Variants in CSMD1 observed in about 807,000 individuals in gnomAD.
CSMD1 encodes the protein CUB and Sushi multiple domains 1.
In CSMD1, 213 loss-of-function variants were observed where a neutral mutation model predicts 417.5. The observed-to-expected ratio is 0.51, with a 90% CI of 0.46 to 0.57. CSMD1 has a LOEUF of 0.57. CSMD1 is among the 20% of genes least tolerant of loss of function. The probability of loss-of-function intolerance (pLI) is 0.00; values close to 1 mark genes in which losing one functional copy is unlikely to be tolerated. For synonymous variants in CSMD1, 2,862 were observed against 1,736.8 expected (o/e 1.65, Z -16.11); for missense variants, 6,923 against 4,529.7 (o/e 1.53, Z -15.17).
At chr8:4,035,834 G>C (rs922492758) in intron 3 of CSMD1, among the ~76,000 whole-genome samples, 1 of 152,142 alleles carries the variant, frequency 6.6e-6, no homozygotes, top group African/African-American at 2.4e-5. Flanking sequence ...TACTCTAAGT[G>C]TACAGTGTTT....
At chr8:3,899,693 G>A (rs1584933238) in intron 5 of CSMD1, among the ~76,000 whole-genome samples, 1 of 152,168 alleles carries the variant, frequency 6.6e-6, no homozygotes, top group East Asian at 1.9e-4. Context: ...GGCTAAATAT[G>A]ACAAATAACT....
intron 18 of CSMD1, among the ~76,000 whole-genome samples, chr8:3,381,387 T>C (rs1345818616): frequency 6.6e-6 from 1 of 152,220 alleles, no homozygotes; most frequent in African/African-American, 2.4e-5. Flanking sequence ...GAAAGCCATA[T>C]GTGTTTGCAT....
rs574765984 is a variant in CSMD1 at position 3,179,007 on chromosome 8, GC to G, written c.5725+2102del. Among the ~76,000 whole-genome samples, 4 of 150,800 alleles carry G rather than the reference GC, an allele frequency of 2.7e-5. No homozygotes were observed. The South Asian group carries it at 8.4e-4, about 32-fold the overall frequency. Reference sequence around the variant, plus strand: ...CTGTCACCCAGGCTGGAGTGCAGTGGCGCGATCTTGGCTCACTGCAAGCTCT... The same window carrying G: ...CTGTCACCCAGGCTGGAGTGCAGTGGGCGATCTTGGCTCACTGCAAGCTCT... On this transcript the variant is annotated intron_variant, in intron 37 of 69. Transcript: ENST00000635120.
chr8:3,102,906 T>C (rs537532325), intron 46 of CSMD1, among the ~76,000 whole-genome samples: 25 of 152,302 alleles, frequency 1.6e-4, no homozygotes, highest in African/African-American at 5.8e-4. Context: ...CCTTTTAGAA[T>C]TCAACGAGTT....
chr8:4,327,910 T>A (rs1276141853), intron 3 of CSMD1, among the ~76,000 whole-genome samples: 1 of 152,298 alleles, frequency 6.6e-6, no homozygotes, highest in Non-Finnish European at 1.5e-5. Flanking sequence ...GGTCCCTAAT[T>A]TTCCTTGCTC....
intron 50 of CSMD1, among the ~76,000 whole-genome samples, chr8:3,047,232 A>G (rs1004313285): frequency 2.0e-5 from 3 of 149,562 alleles, no homozygotes; most frequent in African/African-American, 7.3e-5. Flanking sequence ...AAAAAAAAAA[A>G]AAAAAAGAGT....
At chr8:4,720,453 T>A (rs1372300718) in intron 1 of CSMD1, among the ~76,000 whole-genome samples, 2 of 152,182 alleles carry the variant, frequency 1.3e-5, no homozygotes, top group African/African-American at 4.8e-5. Flanking sequence ...AGTCTTGCTC[T>A]GTCACTCATG....
At chr8:4,260,228 C>G (rs879642541) in intron 3 of CSMD1, among the ~76,000 whole-genome samples, 1 of 152,158 alleles carries the variant, frequency 6.6e-6, no homozygotes, top group Non-Finnish European at 1.5e-5. Context: ...AACACTACCT[C>G]TTTGCTATTT....
chr8:3,266,886 A>G (rs898950081), intron 26 of CSMD1, among the ~76,000 whole-genome samples: 1 of 152,268 alleles, frequency 6.6e-6, no homozygotes, highest in South Asian at 2.1e-4. Context: ...GTGTAGAAAC[A>G]CAAAACCAGC....
intron 8 of CSMD1, among the ~76,000 whole-genome samples, chr8:3,599,149 G>GTGTGTGTGTGTC (rs35919818): frequency 2.0e-5 from 3 of 146,408 alleles, no homozygotes; most frequent in Non-Finnish European, 3.0e-5. Context: ...GTGTGTGTGT[G>GTGTGTGTGTGTC]TCTGTGTGTG....
intron 31 of CSMD1, among the ~76,000 whole-genome samples, chr8:3,202,800 C>A (rs1797058109): frequency 6.6e-6 from 1 of 152,148 alleles, no homozygotes; most frequent in African/African-American, 2.4e-5. Flanking sequence ...ATTTATGTAA[C>A]CAACTCCATA....
intron 3 of CSMD1, among the ~76,000 whole-genome samples, chr8:4,308,035 C>T (rs746140867): frequency 6.6e-6 from 1 of 152,128 alleles, no homozygotes; most frequent in Non-Finnish European, 1.5e-5. Context: ...CAGAGCAACG[C>T]CAGACATGGA....
At chr8:3,055,857 T>A (rs913685658) in intron 49 of CSMD1, among the ~76,000 whole-genome samples, 1 of 152,208 alleles carries the variant, frequency 6.6e-6, no homozygotes, top group Non-Finnish European at 1.5e-5. Context: ...CAGTGTGGCT[T>A]CAGCTAACTT....
chr8:3,822,828 G>C (rs1034786550), intron 5 of CSMD1, among the ~76,000 whole-genome samples: 1 of 151,858 alleles, frequency 6.6e-6, no homozygotes, highest in East Asian at 1.9e-4. Flanking sequence ...TTTTTTTTTA[G>C]TAGGCACATA....
chr8:4,301,905 A>T (rs1226975208), intron 3 of CSMD1, among the ~76,000 whole-genome samples: 1 of 152,184 alleles, frequency 6.6e-6, no homozygotes, highest in African/African-American at 2.4e-5. Context: ...CAAGTTTATT[A>T]GAATTTATGT....
At chr8:4,637,935 G>C (rs1006604800) in intron 1 of CSMD1, among the ~76,000 whole-genome samples, 1 of 152,118 alleles carries the variant, frequency 6.6e-6, no homozygotes, top group African/African-American at 2.4e-5. Context: ...CTCCCAAAGT[G>C]CTGGGATTAC....
chr8:3,546,267 T>G lies in CSMD1; in HGVS notation c.1344+28678A>C, dbSNP rs564466892. 1.4e-4 allele frequency among the ~76,000 whole-genome samples: 15 copies of G among 104,754 alleles called. No individual in the cohort carries two copies. The East Asian group carries it at 5.3e-3, about 37-fold the overall frequency. The allele number at this position is 104,754 out of a possible 152,430, so 68.7% of individuals were successfully genotyped here. A position where few individuals can be genotyped will look rare whatever the true frequency, so the allele number is the denominator to read the frequency against. On this transcript the variant is annotated intron_variant, in intron 10 of 69. Transcript: ENST00000635120. ...GCTGGCCACGTGAATTTTTCCTCTA[T>G]TATTAAAAAAAAAATCCCAGTACTT...
intron 1 of CSMD1, among the ~76,000 whole-genome samples, chr8:4,844,170 A>G (rs767467626): frequency 2.6e-5 from 4 of 152,162 alleles, no homozygotes; most frequent in Admixed American, 6.5e-5. Flanking sequence ...GTCAAGTTCT[A>G]CTACACGTAG....
intron 1 of CSMD1, among the ~76,000 whole-genome samples, chr8:4,958,306 CTT>C (rs1322152804): frequency 6.6e-6 from 1 of 151,946 alleles, no homozygotes; most frequent in Admixed American, 6.6e-5. Context: ...TTTTTTTTAA[CTT>C]TTACAAATAT....
Sources: gnomAD v4.1 joint callset for allele counts (sites outside exome capture counted in the v4.1 genomes callset) on GRCh38, gnomAD v4.1.1 for gene constraint, MANE v1.5 for transcripts, NCBI Gene and HGNC (gene_info 2026-07-23, HGNC 2026-07-21) for gene names.